The following ZNF827 variants were observed in gnomAD, a reference collection of about 807,000 sequenced individuals.
ZNF827 encodes the protein zinc finger protein 827.
A neutral mutation model predicts 102.4 loss-of-function variants in ZNF827; 13 were observed. That is an observed-to-expected ratio of 0.13 (90% CI 0.08 to 0.20). The LOEUF (loss-of-function observed/expected upper bound fraction) is 0.20. ZNF827 is among the 10% of genes least tolerant of loss of function. The pLI is 1.00. For synonymous variants in ZNF827, 523 were observed against 536.2 expected (o/e 0.98, Z 0.34); for missense variants, 1,103 against 1,344.4 (o/e 0.82, Z 2.81).
At position 145,765,053 on chromosome 4, in the gene ZNF827, G is replaced by C; in HGVS notation, c.3165C>G (p.Phe1055Leu). ...RMFECDVCHKFMKTPEQLLEH... is the reference protein window; with the variant it reads ...RMFECDVCHKLMKTPEQLLEH... ...CCAGCAGCTGTTCGGGGGTCTTCAT[G>C]AACTTGTGGCACACATCACACTCAA... Residue 1055 changes from phenylalanine (F) to leucine (L), a missense_variant, in exon 13 of 15, where the codon TTC becomes TTG. Physicochemically the swap from Phe to Leu is conservative, Grantham distance 22 (BLOSUM62 0). Transcript: ENST00000508784. This position sits in a 1 kb window ranked among gnomAD's most constrained non-coding sequence, Gnocchi z 4.7. 1 of 1,614,232 alleles carries C rather than the reference G, an allele frequency of 6.2e-7. No homozygotes were observed. Among genetic ancestry groups the C allele is most frequent in the Non-Finnish European group, 8.5e-7 (1 of 1,180,044 alleles).
chr4:145,794,174 T>C (rs1740140016), intron 8 of ZNF827, among the ~76,000 whole-genome samples: 1 of 152,230 alleles, frequency 6.6e-6, no homozygotes, highest in Non-Finnish European at 1.5e-5. Flanking sequence ...TTTGTAACCT[T>C]AATGTTGCAT....
chr4:145,882,820 G>A (rs973088324), intron 4 of ZNF827, among the ~76,000 whole-genome samples: 15 of 152,168 alleles, frequency 9.9e-5, no homozygotes, highest in Non-Finnish European at 1.5e-5. Context: ...TGCACGGACA[G>A]AGCCCAGGGA....
At chr4:145,814,427 C>T (rs934863208) in intron 8 of ZNF827, among the ~76,000 whole-genome samples, 1 of 152,184 alleles carries the variant, frequency 6.6e-6, no homozygotes, top group African/African-American at 2.4e-5. Context: ...TGGCTGCATA[C>T]ACATCCCAGC....
chr4:145,771,240 C>T (rs778235480), intron 11 of ZNF827, among the ~76,000 whole-genome samples: 1 of 152,156 alleles, frequency 6.6e-6, no homozygotes, highest in Non-Finnish European at 1.5e-5. Flanking sequence ...TGTTATTTTG[C>T]AAACTGAAGA....
At chr4:145,927,584 T>C (rs1009323589) in intron 1 of ZNF827, among the ~76,000 whole-genome samples, 3 of 152,172 alleles carry the variant, frequency 2.0e-5, no homozygotes, top group Non-Finnish European at 4.4e-5. Context: ...ACCTAAGGGG[T>C]TCTCCTGTAG....
chr4:145,885,582 T>C lies in ZNF827; in HGVS notation c.1747+96A>G, dbSNP rs374999212. Reference sequence around the variant, plus strand: ...ATCATCTAGTTCTACCAGCTTATTTTACAAATAAGAATACTGGTAGACAGA... The same window carrying C: ...ATCATCTAGTTCTACCAGCTTATTTCACAAATAAGAATACTGGTAGACAGA... On this transcript the variant is annotated intron_variant, in intron 4 of 14. Transcript: ENST00000508784. The C allele has an allele frequency of 1.2e-5, 18 of 1,455,506 alleles. No individual in the cohort carries two copies. In the East Asian group the frequency reaches 2.6e-4, roughly 21 times the overall value. The allele number at this position is 1,455,506 out of a possible 1,614,324, so 90.2% of individuals were successfully genotyped here. A position where few individuals can be genotyped will look rare whatever the true frequency, so the allele number is the denominator to read the frequency against.
chr4:145,787,646 A>G (rs1418340022), intron 8 of ZNF827, among the ~76,000 whole-genome samples: 3 of 152,092 alleles, frequency 2.0e-5, no homozygotes, highest in African/African-American at 4.8e-5. Context: ...CAGGGGGTCC[A>G]TGCACAGGCC....
chr4:145,782,895 C>T (rs1354992774), intron 8 of ZNF827, among the ~76,000 whole-genome samples: 1 of 152,174 alleles, frequency 6.6e-6, no homozygotes, highest in Non-Finnish European at 1.5e-5. Flanking sequence ...TACTTCTGTA[C>T]AATAAACTCA....
chr4:145,932,464 G>C (rs1437163855), intron 1 of ZNF827, among the ~76,000 whole-genome samples: 1 of 146,694 alleles, frequency 6.8e-6, no homozygotes, highest in Non-Finnish European at 1.5e-5. Context: ...GACATTAATA[G>C]AACTCCTTGT....
chr4:145,925,258 G>T (rs1753344882), intron 1 of ZNF827, among the ~76,000 whole-genome samples: 1 of 152,170 alleles, frequency 6.6e-6, no homozygotes, highest in Non-Finnish European at 1.5e-5. Flanking sequence ...TTTGGGTGGG[G>T]ACACAGGAAA....
Position 145,799,645 on chromosome 4 carries a change from C to T in ZNF827, c.2384-20134G>A, listed in dbSNP as rs180828460. 2.0e-3 allele frequency among the ~76,000 whole-genome samples: 311 copies of T among 152,296 alleles called. 1 individual carries two copies. The highest frequency in any genetic ancestry group is 6.9e-3 in the African/African-American group (287 of 41,570). The stretch of plus-strand genomic sequence containing the variant: ...TCCTTCCTTTAATAAAGGAACCCCC[C>T]GAGTTTTAGCTGGGCACATGGCTGC... On this transcript the variant is annotated intron_variant, in intron 8 of 14. Coordinates refer to ENST00000508784, the MANE Select transcript of ZNF827 (RefSeq NM_001306215.2).
chr4:145,762,981 C>T lies in ZNF827; in HGVS notation c.*17+109G>A, dbSNP rs1734765670. On this transcript the variant is annotated intron_variant, in intron 14 of 14. Transcript: ENST00000508784. This position sits in a 1 kb window ranked among gnomAD's most constrained non-coding sequence, Gnocchi z 4.9. The stretch of plus-strand genomic sequence containing the variant: ...TGCACGGCCTCCTCAGCGCCAAGCT[C>T]GCCGTTAGCCTTTGAACCTCAGCTC... 8 of 1,101,730 alleles carry T rather than the reference C, an allele frequency of 7.3e-6. No individual in the cohort carries two copies. The highest frequency in any genetic ancestry group is 1.6e-5 in the African/African-American group (1 of 63,476). The allele number at this position is 1,101,730 out of a possible 1,614,324, so 68.2% of individuals were successfully genotyped here.
chr4:145,828,712 A>C (rs1743911788), intron 7 of ZNF827, among the ~76,000 whole-genome samples: 1 of 152,212 alleles, frequency 6.6e-6, no homozygotes, highest in South Asian at 2.1e-4. Context: ...CTCCTGTAGA[A>C]AATCTAAGGG....
intron 10 of ZNF827, 105 bp from the exon 11 acceptor site, chr4:145,774,777 T>G (rs1299286036): frequency 7.8e-7 from 1 of 1,277,652 alleles, no homozygotes; most frequent in Non-Finnish European, 1.1e-6. Context: ...AACTGGAATT[T>G]GAAACACATT....
chr4:145,846,060 T>A (rs1291772409), intron 6 of ZNF827, 47 bp from the exon 7 acceptor site: 1 of 1,583,652 alleles, frequency 6.3e-7, no homozygotes, highest in African/African-American at 1.3e-5. Flanking sequence ...TTGTTCTCAC[T>A]CAACTTGCAT....
chr4:145,876,827 A>G (rs949784546), intron 4 of ZNF827: 1 of 152,182 alleles, frequency 6.6e-6, no homozygotes. Context: ...CTTTGAAGCA[A>G]AAGCTTATAC....
chr4:145,893,220 G>A (rs1437555173), intron 2 of ZNF827, among the ~76,000 whole-genome samples: 2 of 152,282 alleles, frequency 1.3e-5, no homozygotes, highest in Admixed American at 6.5e-5. Flanking sequence ...AGCTAAGGTC[G>A]CTCTCAAAGT....
chr4:145,767,553 AC>A, intron 11 of ZNF827, among the ~76,000 whole-genome samples: 1 of 152,328 alleles, frequency 6.6e-6, no homozygotes, highest in East Asian at 1.9e-4. Context: ...AGAAACCTAT[AC>A]AAAAAAAATC....
At chr4:145,898,503 C>A (rs1403824924) in intron 2 of ZNF827, among the ~76,000 whole-genome samples, 1 of 152,158 alleles carries the variant, frequency 6.6e-6, no homozygotes, top group Non-Finnish European at 1.5e-5. Context: ...AAAATAAAAA[C>A]CATTTATTTT....
Sources: allele counts gnomAD v4.1 joint callset (sites outside exome capture counted in the v4.1 genomes callset), GRCh38; gene constraint gnomAD v4.1.1; non-coding constraint Gnocchi (gnomAD v3.1); transcripts MANE v1.5; gene names NCBI Gene and HGNC (gene_info 2026-07-23, HGNC 2026-07-21).